PIGN: variants seen among roughly 807,000 people sequenced by gnomAD.
The protein encoded by PIGN is phosphatidylinositol glycan anchor biosynthesis class N.
PIGN carries 117 observed loss-of-function variants against 125.4 expected under a neutral mutation model. The ratio of observed to expected loss-of-function variants is 0.93; its 90% CI spans 0.80 to 1.09. PIGN has a LOEUF of 1.09. Ranked by LOEUF, PIGN falls within the 50% of genes least tolerant of loss-of-function variation. The pLI is 0.00. For missense variants in PIGN, 1,075 were observed against 1,094.9 expected (o/e 0.98, Z 0.26); for synonymous variants, 392 against 377.8 (o/e 1.04, Z -0.44).
intron 23 of PIGN, among the ~76,000 whole-genome samples, chr18:62,022,978 T>A (rs1172298308): frequency 6.6e-6 from 1 of 152,230 alleles, no homozygotes; most frequent in African/African-American, 2.4e-5. Flanking sequence ...ATGTAAGTGC[T>A]ATGTAAATAG....
In PIGN at chr18:62,021,071, C is replaced by T. The variant is rs572291526; in HGVS notation, c.2143-3330G>A. ...GGGTGAATAAAAAATGGTACCACCA[C>T]TTTGGAATATAGTTTGGAAATTTCT... On this transcript the variant is annotated intron_variant, in intron 23 of 24. Transcript: ENST00000639600. Among the ~76,000 whole-genome samples, 5 of 152,110 alleles carry T rather than the reference C, an allele frequency of 3.3e-5. No homozygotes were observed. The South Asian group carries it at 1.0e-3, about 32-fold the overall frequency.
Position 62,156,168 on chromosome 18 carries a change from T to C in PIGN, c.442+961A>G, listed in dbSNP as rs190033039. Among the ~76,000 whole-genome samples the C allele has an allele frequency of 1.0e-3, 154 of 152,272 alleles. 1 individual carries two copies. The highest frequency in any genetic ancestry group is 3.5e-3 in the African/African-American group (147 of 41,540). On this transcript the variant is annotated intron_variant, in intron 6 of 30. Transcript: ENST00000640252. Reference sequence around the variant, plus strand: ...ATTTTCTAATTAAGAGATGTCCCAATATTTGCAGAATCATGCATATAAACA... The same window carrying C: ...ATTTTCTAATTAAGAGATGTCCCAACATTTGCAGAATCATGCATATAAACA...
chr18:62,169,288 T>C (rs1281577130), intron 1 of PIGN, among the ~76,000 whole-genome samples: 2 of 152,246 alleles, frequency 1.3e-5, no homozygotes, highest in African/African-American at 4.8e-5. Context: ...TGTTTGTTCC[T>C]TTTTATTATT....
chr18:62,146,103 G>T, intron 9 of PIGN, 78 bp from the exon 10 acceptor site: 1 of 615,738 alleles, frequency 1.6e-6, no homozygotes, highest in Non-Finnish European at 2.7e-6. Context: ...AAAATAGTTT[G>T]TTTTAAAGAG....
chr18:62,150,976 AG>A (rs1241955685), intron 7 of PIGN, among the ~76,000 whole-genome samples: 1 of 152,200 alleles, frequency 6.6e-6, no homozygotes, highest in Non-Finnish European at 1.5e-5. Context: ...CTGGGATTAC[AG>A]GTGTGAGCCA....
At chr18:62,094,260 A>G (rs1245611187) in intron 23 of PIGN, among the ~76,000 whole-genome samples, 5 of 152,116 alleles carry the variant, frequency 3.3e-5, no homozygotes, top group African/African-American at 1.2e-4. Context: ...AATCAGATCT[A>G]TTTTTATATT....
intron 30 of PIGN, among the ~76,000 whole-genome samples, chr18:62,049,504 T>C (rs553278043): frequency 3.9e-5 from 6 of 151,958 alleles, no homozygotes; most frequent in African/African-American, 1.5e-4. Flanking sequence ...ATGTCTTCTT[T>C]TGAGAAGTGT....
At chr18:62,075,744 C>A (rs2033137604) in intron 28 of PIGN, 1 of 152,166 alleles carries the variant, frequency 6.6e-6, no homozygotes, top group Admixed American at 6.6e-5. Context: ...CTAGGTCATA[C>A]AACAGTAGCA....
chr18:62,056,993 C>A (rs1013720622), intron 30 of PIGN: 1 of 152,210 alleles, frequency 6.6e-6, no homozygotes, highest in South Asian at 2.1e-4. Context: ...CTGAAACCAT[C>A]CCCTGCTGGC....
chr18:62,101,139 C>CT lies in PIGN; in HGVS notation c.2012dup (p.Ser672GlufsTer2). ...GTCCTTGCTTCCTGAGTAGACTACTCTGAGTGCTATACACAACATACATGG... is the reference window on the plus strand; with the variant it reads ...GTCCTTGCTTCCTGAGTAGACTACTCTTGAGTGCTATACACAACATACATGG... On this transcript the variant is annotated frameshift_variant, in exon 22 of 31. Transcript: ENST00000640252. LOFTEE classifies it high-confidence loss of function. The CT allele has an allele frequency of 6.2e-7, 1 of 1,611,572 alleles. No homozygotes were observed. The highest frequency in any genetic ancestry group is 1.1e-5 in the South Asian group (1 of 91,044).
At chr18:62,091,899 G>A (rs2033978867) in intron 23 of PIGN, among the ~76,000 whole-genome samples, 1 of 152,166 alleles carries the variant, frequency 6.6e-6, no homozygotes, top group Non-Finnish European at 1.5e-5. Flanking sequence ...TATTTGCTGA[G>A]TGAGTTATTT....
intron 15 of PIGN, among the ~76,000 whole-genome samples, 185 bp downstream of exon 15, chr18:62,114,376 A>T (rs1054608566): frequency 6.6e-6 from 1 of 151,578 alleles, no homozygotes; most frequent in Non-Finnish European, 1.5e-5. Flanking sequence ...AAAAAAAAAA[A>T]TTTACCCATA....
chr18:62,135,078 T>C (rs559641282), intron 14 of PIGN, among the ~76,000 whole-genome samples: 1 of 152,332 alleles, frequency 6.6e-6, no homozygotes, highest in East Asian at 1.9e-4. Flanking sequence ...CTTATACAAC[T>C]TATCTTTAAG....
intron 11 of PIGN, among the ~76,000 whole-genome samples, chr18:62,141,071 C>T (rs916016527): frequency 3.9e-5 from 6 of 152,172 alleles, no homozygotes; most frequent in Non-Finnish European, 7.4e-5. Flanking sequence ...CTCACTATGA[C>T]CCTTTATCAT....
chr18:62,177,644 T>C (rs111417226), intron 1 of PIGN, among the ~76,000 whole-genome samples: 3,537 of 152,306 alleles, frequency 0.023, 43 homozygotes, highest in Middle Eastern at 0.082. Flanking sequence ...ATGCAGTAAT[T>C]CTAGAAATCA....
Position 62,041,640 on chromosome 18 carries a change from G to GTGTGTGT in PIGN, c.*4215_*4216insACACACA, listed in dbSNP as rs2030376218. 1.9e-4 allele frequency: 15 copies of GTGTGTGT among 77,538 alleles called. No individual in the cohort carries two copies. Among genetic ancestry groups the GTGTGTGT allele is most frequent in the East Asian group, 1.2e-3 (3 of 2,408 alleles). 4.8% of individuals were successfully genotyped at this position (77,538 alleles called of 1,614,324 possible). ...ATTACAGGAGCCTACCACCCCGCCG[G>GTGTGTGT]GTGTGTGTGTGTGTGTGTGTGTGTG... On this transcript the variant is annotated 3_prime_UTR_variant, in exon 31 of 31. Transcript: ENST00000640252.
At chr18:62,170,881 T>C (rs2037323264) in intron 1 of PIGN, among the ~76,000 whole-genome samples, 1 of 152,220 alleles carries the variant, frequency 6.6e-6, no homozygotes, top group South Asian at 2.1e-4. Context: ...ATTGCTGATA[T>C]GAAGAAAATT....
intron 25 of PIGN, 92 bp from the exon 26 acceptor site, chr18:62,085,356 T>C (rs556952414): frequency 3.6e-6 from 3 of 823,982 alleles, no homozygotes; most frequent in South Asian, 3.1e-5. Context: ...ACCTTGAGAG[T>C]AATTTGCTCT....
intron 23 of PIGN, among the ~76,000 whole-genome samples, chr18:62,090,945 T>A (rs2033926462): frequency 6.6e-6 from 1 of 152,104 alleles, no homozygotes; most frequent in South Asian, 2.1e-4. Flanking sequence ...ACACTCTAAA[T>A]TTTCAAAAAA....
Sources: allele counts gnomAD v4.1 joint callset (sites outside exome capture counted in the v4.1 genomes callset), GRCh38; gene constraint gnomAD v4.1.1; transcripts MANE v1.5; gene names NCBI Gene and HGNC (gene_info 2026-07-23, HGNC 2026-07-21).